The following HDAC8 variants were observed in gnomAD, a reference collection of about 807,000 sequenced individuals.
The protein encoded by HDAC8 is histone deacetylase 8.
Under a neutral mutation model 32.2 loss-of-function variants are expected in HDAC8, and 1 was observed. The ratio of observed to expected loss-of-function variants is 0.03; its 90% CI spans 0.01 to 0.15. The LOEUF is 0.15. HDAC8 is among the 10% of genes least tolerant of loss of function. The pLI is 1.00. For missense variants in HDAC8, 117 were observed against 300.0 expected (o/e 0.39, Z 4.51); for synonymous variants, 108 against 113.9 (o/e 0.95, Z 0.33).
intron 9 of HDAC8, among the ~76,000 whole-genome samples, chrX:72,404,538 A>G (rs1352241701): frequency 9.0e-6 from 1 of 110,619 alleles, no homozygotes; most frequent in East Asian, 2.8e-4. Flanking sequence ...GTATCTCAGA[A>G]CTTGCTTTTT....
At position 72,442,098 on chromosome X, in the gene HDAC8, T is replaced by C. The variant is rs1339587824; in HGVS notation, c.1005+19906A>G. On this transcript the variant is annotated intron_variant, in intron 9 of 10. Transcript: ENST00000373573. ...AGTGACGGGGAGAATGGAACCAAGT[T>C]GGAAAACACTCTTCAGGATATTATC... 3.2e-4 allele frequency among the ~76,000 whole-genome samples: 36 copies of C among 110,931 alleles called. 1 individual carries two copies. Among genetic ancestry groups the C allele is most frequent in the African/African-American group, 1.1e-3 (32 of 30,473 alleles).
intron 9 of HDAC8, among the ~76,000 whole-genome samples, chrX:72,448,546 AC>A (rs1555986121): frequency 8.9e-6 from 1 of 112,320 alleles, no homozygotes; most frequent in Non-Finnish European, 1.9e-5. Flanking sequence ...TGACTAAAAT[AC>A]CAAAAGCAAT....
rs1407776677 is a variant in HDAC8, at chrX:72,392,604, G to T, written c.1006-40766C>A. Among the ~76,000 whole-genome samples the T allele has an allele frequency of 3.6e-5, 4 of 112,085 alleles. No homozygotes were observed. The Admixed American group carries it at 3.8e-4, about 11-fold the overall frequency. On this transcript the variant is annotated intron_variant, in intron 9 of 10. Coordinates refer to ENST00000373573, the MANE Select transcript of HDAC8 (RefSeq NM_018486.3). The stretch of plus-strand genomic sequence containing the variant: ...TTGCTGTTTGTAAAAGTGCTGTGAG[G>T]CACAAATCTAAAGAGGGTAAAAAAT...
intron 9 of HDAC8, among the ~76,000 whole-genome samples, chrX:72,400,292 C>T (rs1191484745): frequency 1.1e-4 from 12 of 111,921 alleles, no homozygotes; most frequent in African/African-American, 3.6e-4. Context: ...TAATGCTAGT[C>T]TAACTTACCA....
chrX:72,406,947 C>A (rs1555968905), intron 9 of HDAC8, among the ~76,000 whole-genome samples: 1 of 111,876 alleles, frequency 8.9e-6, no homozygotes, highest in Non-Finnish European at 1.9e-5. Context: ...ACTACATATG[C>A]CCCCAGGGTA....
At chrX:72,379,445 C>T (rs1439014899) in intron 9 of HDAC8, among the ~76,000 whole-genome samples, 1 of 108,558 alleles carries the variant, frequency 9.2e-6, no homozygotes, top group Non-Finnish European at 1.9e-5. Context: ...TTCTCCCTCT[C>T]CCCAGAGTTT....
chrX:72,517,738 G>T (rs2049852062), intron 4 of HDAC8, among the ~76,000 whole-genome samples: 1 of 112,083 alleles, frequency 8.9e-6, no homozygotes, highest in South Asian at 3.7e-4. Flanking sequence ...AAATGTGAGG[G>T]TTTATTTCTG....
chrX:72,346,896 A>T (rs2044045101), intron 10 of HDAC8, among the ~76,000 whole-genome samples: 1 of 111,702 alleles, frequency 9.0e-6, no homozygotes, highest in Non-Finnish European at 1.9e-5. Flanking sequence ...ACATGGAAGA[A>T]GCTGGGCATG....
chrX:72,507,460 AC>A (rs1210961753), intron 4 of HDAC8, among the ~76,000 whole-genome samples: 1 of 111,148 alleles, frequency 9.0e-6, no homozygotes, highest in Admixed American at 9.6e-5. Flanking sequence ...ATCCCCCCCA[AC>A]CTTTTGTTTT....
At chrX:72,487,935 C>CA (rs782170397) in intron 7 of HDAC8, among the ~76,000 whole-genome samples, 2,900 of 50,410 alleles carry the variant, frequency 0.058, 111 homozygotes, top group African/African-American at 0.15. Flanking sequence ...TGGCAGGCTC[C>CA]AAAAAAAAAA....
chrX:72,406,808 C>T (rs945585927), intron 9 of HDAC8, among the ~76,000 whole-genome samples: 62 of 112,461 alleles, frequency 5.5e-4, no homozygotes, highest in Non-Finnish European at 8.3e-4. Context: ...TCTTTAGTTT[C>T]ACTAGCCACA....
At chrX:72,562,326 T>C (rs1220675219) in intron 4 of HDAC8, among the ~76,000 whole-genome samples, 1 of 112,529 alleles carries the variant, frequency 8.9e-6, no homozygotes. Context: ...GTTTTATATA[T>C]ACACCATGGA....
intron 7 of HDAC8, chrX:72,473,875 C>G: frequency 4.0e-6 from 3 of 754,303 alleles, no homozygotes; most frequent in Non-Finnish European, 4.7e-6. Flanking sequence ...ATTTTCATAG[C>G]TAAGAATTCC....
chrX:72,506,135 C>T (rs914540418), intron 4 of HDAC8, among the ~76,000 whole-genome samples: 6 of 111,623 alleles, frequency 5.4e-5, no homozygotes, highest in Non-Finnish European at 7.5e-5. Context: ...GAACTGCAGC[C>T]GACCATGCAT....
chrX:72,367,408 A>T (rs2044735017), intron 9 of HDAC8, among the ~76,000 whole-genome samples: 1 of 112,205 alleles, frequency 8.9e-6, no homozygotes, highest in Non-Finnish European at 1.9e-5. Context: ...CTCTGTCGCC[A>T]CGTTGGTCAA....
intron 4 of HDAC8, among the ~76,000 whole-genome samples, chrX:72,536,836 T>G (rs782735847): frequency 8.9e-6 from 1 of 111,904 alleles, no homozygotes; most frequent in Non-Finnish European, 1.9e-5. Context: ...TTTCCTGAGC[T>G]AATAGGATAT....
chrX:72,437,679 G>A (rs1555979772), intron 9 of HDAC8, among the ~76,000 whole-genome samples: 1 of 111,898 alleles, frequency 8.9e-6, no homozygotes, highest in African/African-American at 3.2e-5. Context: ...CCATTACTGA[G>A]GCTTGAGTAG....
At chrX:72,510,622 C>G (rs2049549867) in intron 4 of HDAC8, among the ~76,000 whole-genome samples, 1 of 110,756 alleles carries the variant, frequency 9.0e-6, no homozygotes, top group South Asian at 3.9e-4. Flanking sequence ...TTCATAAAAC[C>G]TAACATTTGC....
chrX:72,469,736 A>C (rs1022665408), intron 7 of HDAC8, among the ~76,000 whole-genome samples: 2 of 111,478 alleles, frequency 1.8e-5, no homozygotes, highest in Non-Finnish European at 3.8e-5. Context: ...TGGGCCACAC[A>C]CTCTCTACAG....
Sources: allele counts gnomAD v4.1 joint callset (sites outside exome capture counted in the v4.1 genomes callset), GRCh38; gene constraint gnomAD v4.1.1; transcripts MANE v1.5; gene names NCBI Gene and HGNC (gene_info 2026-07-23, HGNC 2026-07-21).